Variants in ERMAP observed in about 807,000 individuals in gnomAD.
ERMAP encodes the protein erythroblast membrane associated protein (Scianna blood group), also known as erythroid membrane-associated protein.
A neutral mutation model predicts 49.5 loss-of-function variants in ERMAP; 34 were observed. That is an observed-to-expected ratio of 0.69 (90% CI 0.52 to 0.91). The LOEUF is 0.91. Ranked by LOEUF, ERMAP falls within the 40% of genes least tolerant of loss-of-function variation. ERMAP has a pLI of 0.00. For missense variants in ERMAP, 541 were observed against 582.6 expected, an observed-to-expected ratio of 0.93 and a Z score of 0.74; for synonymous variants, 214 against 232.2, an observed-to-expected ratio of 0.92 and a Z score of 0.71.
intron 4 of ERMAP, 166 bp from the exon 5 acceptor site, chr1:42,834,872 T>C (rs1283192230): frequency 1.6e-6 from 1 of 618,494 alleles, no homozygotes; most frequent in South Asian, 1.9e-5. Flanking sequence ...TCTTTAATGC[T>C]ATCCAGGGCT....
Position 42,819,202 on chromosome 1 carries a change from T to A in ERMAP, c.-122+1949T>A, listed in dbSNP as rs1024210057. On this transcript the variant is annotated intron_variant, in intron 1 of 11. Coordinates refer to ENST00000372517, the MANE Select transcript of ERMAP (RefSeq NM_001017922.2). This position sits in a 1 kb window ranked among gnomAD's most constrained non-coding sequence, Gnocchi z 5.1. ...GTGTGTGTGTGTGTGTGTGTGTGTG[T>A]GTGTGCGCGCGCGCAAGAGAGGGAC... Among the ~76,000 whole-genome samples, 1 of 108,152 alleles carries A rather than the reference T, an allele frequency of 9.2e-6. No homozygotes were observed. The highest frequency in any genetic ancestry group is 2.8e-4 in the South Asian group (1 of 3,538). 71.0% of individuals were successfully genotyped at this position (108,152 alleles called of 152,430 possible). A position where few individuals can be genotyped will look rare whatever the true frequency, so the allele number is the denominator to read the frequency against.
chr1:42,834,585 C>T, intron 4 of ERMAP: 1 of 285,290 alleles, frequency 3.5e-6, no homozygotes, highest in Non-Finnish European at 6.8e-6. Context: ...GATGGAGTTT[C>T]ACTCTTGTCA....
At position 42,819,047 on chromosome 1, in the gene ERMAP, TG is replaced by T. The variant is rs1194751610; in HGVS notation, c.-122+1796del. On this transcript the variant is annotated intron_variant, in intron 1 of 11. Coordinates refer to ENST00000372517, the MANE Select transcript of ERMAP (RefSeq NM_001017922.2). This position sits in a 1 kb window ranked among gnomAD's most constrained non-coding sequence, Gnocchi z 5.1. Reference sequence around the variant, plus strand: ...CTAAAAACAAACCAGCTATAGGGAATGGAGGAGTGGAAAAGCCACATGGAAG... The same window carrying T: ...CTAAAAACAAACCAGCTATAGGGAATGAGGAGTGGAAAAGCCACATGGAAG... Among the ~76,000 whole-genome samples the T allele has an allele frequency of 6.6e-6, 1 of 151,760 alleles. No individual in the cohort carries two copies. The highest frequency in any genetic ancestry group is 1.5e-5 in the Non-Finnish European group (1 of 67,942).
chr1:42,829,677 T>C (rs2124307874), intron 2 of ERMAP, among the ~76,000 whole-genome samples: 1 of 152,290 alleles, frequency 6.6e-6, no homozygotes, highest in Admixed American at 6.5e-5. Context: ...ACTACACACT[T>C]ATGAGCAGTT....
chr1:42,832,179 A>AT (rs75673269), intron 4 of ERMAP, among the ~76,000 whole-genome samples: 20,396 of 95,894 alleles, frequency 0.21, 4,408 homozygotes, highest in East Asian at 0.49. Flanking sequence ...GTGAAAATTA[A>AT]TTTTTTTTTT....
chr1:42,837,103 G>C (rs960854954), intron 6 of ERMAP, 55 bp from the exon 7 acceptor site: 4 of 1,594,000 alleles, frequency 2.5e-6, no homozygotes, highest in African/African-American at 2.7e-5. Context: ...ATAGGAATCA[G>C]GGATCCTCAA....
chr1:42,831,120 G>A lies in ERMAP; in HGVS notation c.433+5G>A. ...CCGTGATCCTGCAGGTTGCAGGTTA[G>A]AATGGGTTTGAGGTGCCCAGGGTCA... On this transcript the variant is annotated splice_donor_5th_base_variant and intron_variant, in intron 4 of 11. Transcript: ENST00000372517. The A allele has an allele frequency of 1.2e-6, 2 of 1,613,214 alleles. No individual in the cohort carries two copies. The highest frequency in any genetic ancestry group is 1.7e-6 in the Non-Finnish European group (2 of 1,179,420).
Position 42,844,467 on chromosome 1 carries a change from T to C in ERMAP, c.*1235T>C, listed in dbSNP as rs1379405718. On this transcript the variant is annotated 3_prime_UTR_variant, in exon 12 of 12. Transcript: ENST00000372517. The surrounding 1 kb of genome is among the most constrained non-coding windows in gnomAD (Gnocchi z 4.0). ...TTTCCAGAGAAACAGAATCAATATA[T>C]ATTGGGGCAGGGGGGCGGTGGTTAT... The C allele has an allele frequency of 5.3e-6, 1 of 189,964 alleles. No individual in the cohort carries two copies. Among genetic ancestry groups the C allele is most frequent in the Admixed American group, 6.1e-5 (1 of 16,458 alleles). 11.8% of individuals were successfully genotyped at this position (189,964 alleles called of 1,614,324 possible).
intron 7 of ERMAP, among the ~76,000 whole-genome samples, chr1:42,837,446 G>A (rs541720880): frequency 3.2e-4 from 48 of 152,084 alleles, no homozygotes; most frequent in African/African-American, 1.1e-3. Flanking sequence ...TAGCCTTTCC[G>A]CCAACCATTT....
chr1:42,842,380 G>A (rs997175170), intron 11 of ERMAP, 137 bp from the exon 12 acceptor site: 4 of 687,108 alleles, frequency 5.8e-6, no homozygotes, highest in Admixed American at 2.9e-5. Context: ...AGTACACATG[G>A]TGGGGGCGGG....
chr1:42,838,980 A>G, intron 8 of ERMAP, 59 bp downstream of exon 8: 1 of 1,613,908 alleles, frequency 6.2e-7, no homozygotes, highest in Non-Finnish European at 8.5e-7. Context: ...TTGCTTTGGG[A>G]TGAGCATCTC....
At chr1:42,831,449 A>G (rs989801245) in intron 4 of ERMAP, among the ~76,000 whole-genome samples, 11 of 152,152 alleles carry the variant, frequency 7.2e-5, no homozygotes, top group Non-Finnish European at 1.3e-4. Context: ...ACATGGCTGT[A>G]AAGAAATGTC....
chr1:42,821,491 G>A (rs569600272), intron 1 of ERMAP, among the ~76,000 whole-genome samples: 2 of 152,258 alleles, frequency 1.3e-5, no homozygotes, highest in Admixed American at 1.3e-4. Context: ...TTTATGATGT[G>A]ATTTAGACTA....
chr1:42,835,039 C>T lies in ERMAP; in HGVS notation c.435C>T (p.Ala145=), dbSNP rs1258291977. Residue 145 remains alanine, a splice_region_variant and synonymous_variant, in exon 5 of 12, where the codon GCC becomes GCT. Transcript: ENST00000372517. ...AGTCGTTGGTGGTTTCTGTTTCAGC[C>T]CCATCTGTGGGGAGTCTCTCCCCCT... ...KEDTVILQVA[A]PSVGSLSPSA... The T allele has an allele frequency of 7.7e-7, 1 of 1,298,818 alleles. No homozygotes were observed. Among genetic ancestry groups the T allele is most frequent in the East Asian group, 2.3e-5 (1 of 43,448 alleles). The allele number at this position is 1,298,818 out of a possible 1,614,324, so 80.5% of individuals were successfully genotyped here.
chr1:42,840,351 T>G, intron 11 of ERMAP, 55 bp downstream of exon 11: 2 of 1,607,538 alleles, frequency 1.2e-6, no homozygotes, highest in South Asian at 2.2e-5. Flanking sequence ...TCCTTATGGC[T>G]TTGTAACCTT....
At position 42,843,843 on chromosome 1, in the gene ERMAP, T is replaced by A; in HGVS notation, c.*611T>A. The A allele has an allele frequency of 2.6e-6, 1 of 389,422 alleles. No homozygotes were observed. Among genetic ancestry groups the A allele is most frequent in the Non-Finnish European group, 4.5e-6 (1 of 220,774 alleles). 24.1% of individuals were successfully genotyped at this position (389,422 alleles called of 1,614,324 possible). On this transcript the variant is annotated 3_prime_UTR_variant, in exon 12 of 12. Transcript: ENST00000372517. ...AGTTTGGTGATATCCAGAGCTAATGTACATGCTTTCAAAAGCTAATCTGCC... is the reference window on the plus strand; with the variant it reads ...AGTTTGGTGATATCCAGAGCTAATGAACATGCTTTCAAAAGCTAATCTGCC...
rs35837615 is a variant in ERMAP at position 42,832,692 on chromosome 1, G to A, written c.433+1577G>A. ...GAAAAGTAATTTTTAAAAGGGGACC[G>A]AGGTGCCCACAGGAATCTGAATCAT... On this transcript the variant is annotated intron_variant, in intron 4 of 11. Transcript: ENST00000372517. Among the ~76,000 whole-genome samples, 341 of 152,316 alleles carry A rather than the reference G, an allele frequency of 2.2e-3. 1 individual carries two copies. The highest frequency in any genetic ancestry group is 8.0e-3 in the African/African-American group (331 of 41,570).
Position 42,842,624 on chromosome 1 carries a change from C to A in ERMAP, c.820C>A (p.Gln274Lys). The stretch of plus-strand genomic sequence containing the variant: ...ACGGCAGCCTGTACCTGACAACCCC[C>A]AGAGATTTGATTTCGTTGTCAGCAT... ...DRRQPVPDNP[Q>K]RFDFVVSILG... Residue 274 changes from glutamine to lysine, a missense_variant, in exon 12 of 12, where the codon CAG (glutamine) becomes AAG (lysine). Coordinates refer to ENST00000372517, the MANE Select transcript of ERMAP (RefSeq NM_001017922.2). 6.2e-7 allele frequency: 1 copy of A among 1,614,176 alleles called. No individual in the cohort carries two copies. The highest frequency in any genetic ancestry group is 8.5e-7 in the Non-Finnish European group (1 of 1,180,036).
intron 1 of ERMAP, among the ~76,000 whole-genome samples, chr1:42,818,640 T>A (rs770953131): frequency 5.6e-4 from 86 of 152,242 alleles, no homozygotes; most frequent in African/African-American, 1.9e-3. Flanking sequence ...GCTAATTTTT[T>A]AAAATTTTTT....
Sources: allele counts gnomAD v4.1 joint callset (sites outside exome capture counted in the v4.1 genomes callset), GRCh38; gene constraint gnomAD v4.1.1; non-coding constraint Gnocchi (gnomAD v3.1); transcripts MANE v1.5; gene names NCBI Gene and HGNC (gene_info 2026-07-23, HGNC 2026-07-21).